The following PDE4D variants were observed in gnomAD, a reference collection of about 807,000 sequenced individuals.
PDE4D encodes 3',5'-cyclic-AMP phosphodiesterase 4D.
Under a neutral mutation model 87.4 loss-of-function variants are expected in PDE4D, and 24 were observed. The observed-to-expected ratio is 0.27, with a 90% CI of 0.20 to 0.39. The LOEUF (loss-of-function observed/expected upper bound fraction) is 0.39. Ranked by LOEUF, PDE4D falls within the 10% of genes least tolerant of loss-of-function variation. PDE4D has a pLI of 1.00. For synonymous variants in PDE4D, 384 were observed against 383.2 expected, an observed-to-expected ratio of 1.00 and a Z score of -0.02; for missense variants, 714 against 1,041.0, an observed-to-expected ratio of 0.69 and a Z score of 4.32.
At chr5:59,392,141 G>A (rs1326989080) in intron 1 of PDE4D, among the ~76,000 whole-genome samples, 4 of 151,790 alleles carry the variant, frequency 2.6e-5, no homozygotes, top group South Asian at 4.2e-4. Flanking sequence ...TTGAGTGGAT[G>A]GAAGGATACA....
chr5:59,491,888 G>A (rs1806272933), intron 1 of PDE4D, among the ~76,000 whole-genome samples: 1 of 152,176 alleles, frequency 6.6e-6, no homozygotes, highest in Admixed American at 6.5e-5. Context: ...AGAAAAAGCT[G>A]TAGCTTTATT....
chr5:59,218,783 C>T (rs1482600468), intron 1 of PDE4D, among the ~76,000 whole-genome samples: 2 of 151,922 alleles, frequency 1.3e-5, no homozygotes, highest in East Asian at 3.9e-4. Flanking sequence ...GATAAAATTA[C>T]ATTAATCTAA....
chr5:59,632,646 A>G (rs1009645140), intron 1 of PDE4D, among the ~76,000 whole-genome samples: 3 of 152,222 alleles, frequency 2.0e-5, no homozygotes, highest in African/African-American at 7.2e-5. Context: ...GAGGGGTCTG[A>G]CTGCTAGAAG....
intron 1 of PDE4D, chr5:60,460,383 C>A: frequency 9.7e-7 from 1 of 1,031,186 alleles, no homozygotes; most frequent in South Asian, 1.3e-5. Flanking sequence ...CAACTCTGCT[C>A]AAATAATGCA....
intron 1 of PDE4D, among the ~76,000 whole-genome samples, chr5:60,436,073 G>A (rs1744735764): frequency 6.6e-6 from 1 of 152,052 alleles, no homozygotes; most frequent in South Asian, 2.1e-4. Context: ...TGCCAGAGAA[G>A]CTTTTCAGGT....
At chr5:59,121,560 A>T (rs548058100) in intron 5 of PDE4D, among the ~76,000 whole-genome samples, 9 of 152,242 alleles carry the variant, frequency 5.9e-5, no homozygotes, top group South Asian at 2.1e-4. Flanking sequence ...AAATAAAAAA[A>T]AAATAACAGA....
At chr5:60,347,701 T>G (rs892776689) in intron 1 of PDE4D, among the ~76,000 whole-genome samples, 8 of 152,104 alleles carry the variant, frequency 5.3e-5, no homozygotes, top group African/African-American at 1.7e-4. Context: ...CTAAAAGCAC[T>G]ACTGAAGCCA....
chr5:60,114,907 C>T (rs993384414), intron 2 of PDE4D, among the ~76,000 whole-genome samples: 7 of 148,030 alleles, frequency 4.7e-5, no homozygotes, highest in African/African-American at 1.7e-4. Context: ...TATGAATAAG[C>T]TCTACACATA....
chr5:60,018,898 C>T (rs915532915), intron 2 of PDE4D, among the ~76,000 whole-genome samples: 4 of 152,110 alleles, frequency 2.6e-5, no homozygotes, highest in Non-Finnish European at 4.4e-5. Flanking sequence ...GACTTAAACA[C>T]CCTACTGTCA....
intron 2 of PDE4D, among the ~76,000 whole-genome samples, chr5:60,082,207 T>C (rs918511417): frequency 6.6e-6 from 1 of 152,140 alleles, no homozygotes; most frequent in African/African-American, 2.4e-5. Context: ...GGTAGGGCCT[T>C]TGGGAGGTAA....
chr5:59,353,169 G>A (rs1780800179), intron 1 of PDE4D, among the ~76,000 whole-genome samples: 1 of 151,906 alleles, frequency 6.6e-6, no homozygotes, highest in Non-Finnish European at 1.5e-5. Flanking sequence ...TGTTCTCTTT[G>A]GAAGACAGAA....
chr5:59,221,412 G>T (rs375660125), intron 1 of PDE4D, among the ~76,000 whole-genome samples: 1 of 152,056 alleles, frequency 6.6e-6, no homozygotes, highest in Non-Finnish European at 1.5e-5. Context: ...CTGGTGAACT[G>T]CTTGAGCCCA....
At chr5:59,128,464 G>T (rs1418727190) in intron 5 of PDE4D, among the ~76,000 whole-genome samples, 1 of 152,152 alleles carries the variant, frequency 6.6e-6, no homozygotes, top group Admixed American at 6.5e-5. Context: ...AACCCAGTAT[G>T]CATTCCTACC....
At chr5:59,742,508 G>A (rs185941799) in intron 1 of PDE4D, among the ~76,000 whole-genome samples, 8 of 152,278 alleles carry the variant, frequency 5.3e-5, no homozygotes, top group Admixed American at 4.6e-4. Flanking sequence ...AGGATTATGA[G>A]ATTTACTCCA....
At chr5:59,194,150 T>C (rs1744935136) in intron 2 of PDE4D, among the ~76,000 whole-genome samples, 1 of 152,118 alleles carries the variant, frequency 6.6e-6, no homozygotes, top group Admixed American at 6.5e-5. Context: ...GCCTGGGGTA[T>C]GGGAGCAAGG....
intron 1 of PDE4D, among the ~76,000 whole-genome samples, chr5:59,751,069 TGAAAA>T (rs776707760): frequency 2.6e-5 from 4 of 151,754 alleles, no homozygotes; most frequent in Non-Finnish European, 5.9e-5. Flanking sequence ...TTTGAATGGA[TGAAAA>T]GAAAATAGGA....
intron 3 of PDE4D, among the ~76,000 whole-genome samples, chr5:59,186,069 T>C (rs1742846339): frequency 6.6e-6 from 1 of 152,066 alleles, no homozygotes; most frequent in African/African-American, 2.4e-5. Context: ...TCTTCCCTCC[T>C]CTCTTTCTCC....
chr5:60,494,435 C>T (rs1161061132), intron 1 of PDE4D, among the ~76,000 whole-genome samples: 1 of 152,186 alleles, frequency 6.6e-6, no homozygotes, highest in African/African-American at 2.4e-5. Context: ...AGTTATTCAG[C>T]ACTGGACATT....
chr5:59,763,391 G>A (rs1419430572), intron 1 of PDE4D, among the ~76,000 whole-genome samples: 1 of 151,308 alleles, frequency 6.6e-6, no homozygotes, highest in Non-Finnish European at 1.5e-5. Flanking sequence ...ATAAAAATAT[G>A]AAAAAATTAT....
Sources: allele counts gnomAD v4.1 joint callset (sites outside exome capture counted in the v4.1 genomes callset), GRCh38; gene constraint gnomAD v4.1.1; transcripts MANE v1.5; gene names NCBI Gene and HGNC (gene_info 2026-07-23, HGNC 2026-07-21).